CYYR1: variants seen among roughly 807,000 people sequenced by gnomAD.
CYYR1 encodes cysteine and tyrosine rich 1, also known as cysteine and tyrosine-rich protein 1.
A neutral mutation model predicts 15.2 loss-of-function variants in CYYR1; 14 were observed. The observed-to-expected ratio is 0.92, with a 90% CI of 0.61 to 1.44. CYYR1 has a LOEUF of 1.44. CYYR1 is among the 40% of genes most tolerant of loss of function. The pLI, the probability that CYYR1 is intolerant of heterozygous loss-of-function variation, is 0.00. For missense variants in CYYR1, 228 were observed against 209.5 expected (o/e 1.09, Z -0.54); for synonymous variants, 80 against 77.4 (o/e 1.03, Z -0.18).
intron 3 of CYYR1, among the ~76,000 whole-genome samples, chr21:26,476,908 AT>A (rs1446613114): frequency 3.3e-5 from 5 of 152,104 alleles, no homozygotes; most frequent in Non-Finnish European, 7.4e-5. Context: ...AAACTTGAAA[AT>A]TCTTGCCTTC....
intron 2 of CYYR1, among the ~76,000 whole-genome samples, chr21:26,521,121 C>A (rs758980163): frequency 7.2e-5 from 11 of 152,162 alleles, no homozygotes; most frequent in Non-Finnish European, 1.5e-4. Flanking sequence ...GTTCAGCAAA[C>A]CACCATGGTA....
At chr21:26,469,350 A>G (rs993403643) in intron 3 of CYYR1, among the ~76,000 whole-genome samples, 6 of 152,120 alleles carry the variant, frequency 3.9e-5, no homozygotes, top group African/African-American at 1.4e-4. Context: ...AAATATGAAG[A>G]AGACAAAAAA....
intron 2 of CYYR1, among the ~76,000 whole-genome samples, chr21:26,520,423 G>A (rs1038358693): frequency 2.6e-5 from 4 of 151,872 alleles, no homozygotes; most frequent in Non-Finnish European, 5.9e-5. Flanking sequence ...TCCTTTTTAT[G>A]GCTGCATAGT....
intron 2 of CYYR1, among the ~76,000 whole-genome samples, chr21:26,486,547 C>T (rs1259187569): frequency 1.3e-5 from 2 of 152,090 alleles, no homozygotes; most frequent in East Asian, 1.9e-4. Context: ...ATCCCCCCAT[C>T]GCATTGCTTT....
At chr21:26,544,922 G>A (rs1322885425) in intron 2 of CYYR1, among the ~76,000 whole-genome samples, 1 of 151,790 alleles carries the variant, frequency 6.6e-6, no homozygotes, top group Admixed American at 6.6e-5. Context: ...CCTCCAGCCT[G>A]GGCAACAGAG....
At chr21:26,537,627 A>T (rs573428683) in intron 2 of CYYR1, among the ~76,000 whole-genome samples, 3 of 152,250 alleles carry the variant, frequency 2.0e-5, no homozygotes, top group Admixed American at 2.0e-4. Flanking sequence ...CACTGGGCAA[A>T]GCAAATCGAG....
At chr21:26,567,634 C>T (rs1980729775) in intron 1 of CYYR1, among the ~76,000 whole-genome samples, 1 of 151,942 alleles carries the variant, frequency 6.6e-6, no homozygotes, top group African/African-American at 2.4e-5. Flanking sequence ...TTAAGAGTCA[C>T]AAAATAATCC....
At position 26,556,025 on chromosome 21, in the gene CYYR1, A is replaced by G. The variant is rs569438827; in HGVS notation, c.176+10241T>C. On this transcript the variant is annotated intron_variant, in intron 2 of 3. Coordinates refer to ENST00000652641, the MANE Select transcript of CYYR1 (RefSeq NM_001320768.2). ...CAGAAACATGACAGGAGGTTAAATT[A>G]TTATAATCAAATTGGCTTTTCAATT... Among the ~76,000 whole-genome samples, 5 of 152,220 alleles carry G rather than the reference A, an allele frequency of 3.3e-5. No homozygotes were observed. The East Asian group carries it at 7.7e-4, about 23-fold the overall frequency.
chr21:26,502,705 A>G (rs780954931), intron 2 of CYYR1, among the ~76,000 whole-genome samples: 3 of 152,048 alleles, frequency 2.0e-5, no homozygotes, highest in Non-Finnish European at 2.9e-5. Context: ...CTCATTATAT[A>G]CTATGTTTAC....
chr21:26,572,788 G>C lies in CYYR1; in HGVS notation c.73+80C>G, dbSNP rs113151255. On this transcript the variant is annotated intron_variant, in intron 1 of 3. Coordinates refer to ENST00000652641, the MANE Select transcript of CYYR1 (RefSeq NM_001320768.2). ...TTCTGCAAAGGTCCCGGTCCGTCCA[G>C]CTCAACCCACGTTAGCCCGGACCGT... is the stretch of plus-strand genomic sequence containing the variant. 27 of 1,552,588 alleles carry C rather than the reference G, an allele frequency of 1.7e-5. No homozygotes were observed. In the African/African-American group the frequency reaches 2.3e-4, roughly 14 times the overall value.
At chr21:26,509,267 T>C (rs1817957108) in intron 2 of CYYR1, among the ~76,000 whole-genome samples, 1 of 152,232 alleles carries the variant, frequency 6.6e-6, no homozygotes, top group African/African-American at 2.4e-5. Flanking sequence ...AATTCCCTTT[T>C]TCCTAGAATG....
chr21:26,498,554 G>T (rs117767387), intron 2 of CYYR1, among the ~76,000 whole-genome samples: 1 of 152,150 alleles, frequency 6.6e-6, no homozygotes, highest in African/African-American at 2.4e-5. Flanking sequence ...GGAGAATTAA[G>T]TCTAGCTTGT....
intron 2 of CYYR1, among the ~76,000 whole-genome samples, chr21:26,497,674 C>T (rs219635): frequency 0.84 from 127,890 of 152,142 alleles, 54,565 homozygotes; most frequent in Non-Finnish European, 0.89. Context: ...GAAGTATGAC[C>T]CATATCCATA....
chr21:26,565,110 C>T (rs1980518260), intron 2 of CYYR1, among the ~76,000 whole-genome samples: 1 of 152,088 alleles, frequency 6.6e-6, no homozygotes, highest in South Asian at 2.1e-4. Flanking sequence ...TTAATTATAG[C>T]TTGACATTTC....
intron 1 of CYYR1, among the ~76,000 whole-genome samples, chr21:26,567,577 A>G (rs527752279): frequency 1.7e-4 from 26 of 152,300 alleles, no homozygotes; most frequent in Middle Eastern, 3.4e-3. Context: ...TTTCAGATAC[A>G]TGATTAGGAA....
Position 26,572,867 on chromosome 21 carries a change from C to A in CYYR1, c.73+1G>T, listed in dbSNP as rs576125420. The A allele has an allele frequency of 6.2e-7, 1 of 1,613,872 alleles. No individual in the cohort carries two copies. Among genetic ancestry groups the A allele is most frequent in the South Asian group, 1.1e-5 (1 of 91,058 alleles). ...CCTCTCCGCCGCCCTCCGTCACTGACCTGCGTAGACAAAGAGCAGGACCAA... is the reference window on the plus strand; with the variant it reads ...CCTCTCCGCCGCCCTCCGTCACTGAACTGCGTAGACAAAGAGCAGGACCAA... On this transcript the variant is annotated splice_donor_variant, in intron 1 of 3. Transcript: ENST00000652641. LOFTEE classifies it high-confidence loss of function.
intron 2 of CYYR1, among the ~76,000 whole-genome samples, chr21:26,488,959 T>C (rs2065290030): frequency 6.6e-6 from 1 of 152,306 alleles, no homozygotes; most frequent in African/African-American, 2.4e-5. Context: ...TGTATGTGTG[T>C]GTGATATGCT....
chr21:26,572,948 G>T lies in CYYR1; in HGVS notation c.-8C>A. 6.2e-7 allele frequency: 1 copy of T among 1,613,728 alleles called. No homozygotes were observed. The highest frequency in any genetic ancestry group is 8.5e-7 in the Non-Finnish European group (1 of 1,179,920). On this transcript the variant is annotated 5_prime_UTR_variant, in exon 1 of 4. Transcript: ENST00000652641. The stretch of plus-strand genomic sequence containing the variant: ...TAGCCTCGGAGCGTCCATCCAAGCC[G>T]GTGGCCTGAGGCTTGGAGCGAAGGG...
chr21:26,510,054 T>G (rs2065625340), intron 2 of CYYR1, among the ~76,000 whole-genome samples: 1 of 152,216 alleles, frequency 6.6e-6, no homozygotes, highest in Non-Finnish European at 1.5e-5. Flanking sequence ...ACTATTCACA[T>G]GGCTTCAATT....
Sources: allele counts gnomAD v4.1 joint callset (sites outside exome capture counted in the v4.1 genomes callset), GRCh38; gene constraint gnomAD v4.1.1; transcripts MANE v1.5; gene names NCBI Gene and HGNC (gene_info 2026-07-23, HGNC 2026-07-21).